The following SLC1A2 variants were observed in gnomAD, a reference collection of about 807,000 sequenced individuals.
The protein encoded by SLC1A2 is excitatory amino acid transporter 2.
A neutral mutation model predicts 48.8 loss-of-function variants in SLC1A2; 15 were observed. That is an observed-to-expected ratio of 0.31 (90% CI 0.21 to 0.47). The LOEUF (loss-of-function observed/expected upper bound fraction) is 0.47. Ranked by LOEUF, SLC1A2 falls within the 20% of genes least tolerant of loss-of-function variation. The probability of loss-of-function intolerance (pLI) is 0.99; values close to 1 mark genes in which losing one functional copy is unlikely to be tolerated. For synonymous variants in SLC1A2, 279 were observed against 272.6 expected, an observed-to-expected ratio of 1.02 and a Z score of -0.23; for missense variants, 502 against 730.5, an observed-to-expected ratio of 0.69 and a Z score of 3.61.
At chr11:35,346,817 C>A (rs1480920330) in intron 1 of SLC1A2, among the ~76,000 whole-genome samples, 1 of 152,188 alleles carries the variant, frequency 6.6e-6, no homozygotes, top group Non-Finnish European at 1.5e-5. Flanking sequence ...AGAAGAGGGG[C>A]AGGGCAGGGG....
chr11:35,279,026 A>G (rs1415614050), intron 9 of SLC1A2, among the ~76,000 whole-genome samples: 1 of 152,232 alleles, frequency 6.6e-6, no homozygotes, highest in Non-Finnish European at 1.5e-5. Flanking sequence ...CTGAAAAAAA[A>G]GAAAAATGTG....
intron 10 of SLC1A2, chr11:35,263,903 A>G (rs1950436787): frequency 6.6e-6 from 1 of 152,216 alleles, no homozygotes; most frequent in African/African-American, 2.4e-5. Flanking sequence ...CTTACAAGGC[A>G]CACAATAAGT....
At chr11:35,360,341 GT>G (rs561006297) in intron 1 of SLC1A2, among the ~76,000 whole-genome samples, 3 of 152,200 alleles carry the variant, frequency 2.0e-5, no homozygotes, top group Non-Finnish European at 4.4e-5. Flanking sequence ...AACCATGGCT[GT>G]TTCCCTCCCA....
At chr11:35,317,302 G>A in intron 2 of SLC1A2, 75 bp downstream of exon 2, 1 of 1,519,138 alleles carries the variant, frequency 6.6e-7, no homozygotes, top group South Asian at 1.2e-5. Context: ...GCTGGCTGCT[G>A]AGACCAGCTG....
At chr11:35,348,040 C>G (rs116456172) in intron 1 of SLC1A2, among the ~76,000 whole-genome samples, 146 of 152,324 alleles carry the variant, frequency 9.6e-4, no homozygotes, top group African/African-American at 3.4e-3. Flanking sequence ...CAAGTCTGGG[C>G]GGCACCTGGG....
rs76463421 is a variant in SLC1A2 at position 35,334,532 on chromosome 11, C to A, written c.18-17016G>T. ...GGTGTGAAAACAAAAGCAAGTGATG[C>A]GTCATCTCACCTTCCTGAGAGCAGG... On this transcript the variant is annotated intron_variant, in intron 1 of 10. Transcript: ENST00000278379. Among the ~76,000 whole-genome samples the A allele has an allele frequency of 1.6e-4, 24 of 152,212 alleles. No individual in the cohort carries two copies. In the South Asian group the frequency reaches 4.8e-3, roughly 30 times the overall value.
At chr11:35,398,708 A>G (rs969444477) in intron 1 of SLC1A2, among the ~76,000 whole-genome samples, 1 of 152,240 alleles carries the variant, frequency 6.6e-6, no homozygotes, top group South Asian at 2.1e-4. Context: ...AGTTTGATCA[A>G]GGAAACACAG....
intron 1 of SLC1A2, among the ~76,000 whole-genome samples, chr11:35,378,188 A>G (rs1293200860): frequency 6.6e-6 from 1 of 152,254 alleles, no homozygotes; most frequent in Non-Finnish European, 1.5e-5. Flanking sequence ...GGGAAAAGCA[A>G]TATGCAAATT....
chr11:35,341,112 C>T (rs1852826835), intron 1 of SLC1A2, among the ~76,000 whole-genome samples: 1 of 152,166 alleles, frequency 6.6e-6, no homozygotes, highest in African/African-American at 2.4e-5. Flanking sequence ...ATATGCCAAA[C>T]TATCTGAATA....
At chr11:35,300,664 T>C (rs56402269) in intron 6 of SLC1A2, among the ~76,000 whole-genome samples, 32,911 of 152,126 alleles carry the variant, frequency 0.22, 3,920 homozygotes, top group Admixed American at 0.28. Context: ...CTAAGGTATT[T>C]TGTTATAATA....
At chr11:35,411,500 G>A (rs1656225764) in intron 1 of SLC1A2, among the ~76,000 whole-genome samples, 1 of 152,124 alleles carries the variant, frequency 6.6e-6, no homozygotes, top group South Asian at 2.1e-4. Context: ...GAGTGCAGTG[G>A]TTATTCACAG....
chr11:35,300,521 G>A (rs766026359), intron 6 of SLC1A2, among the ~76,000 whole-genome samples: 1 of 152,160 alleles, frequency 6.6e-6, no homozygotes, highest in Admixed American at 6.5e-5. Flanking sequence ...TACCATGTGA[G>A]AGCACACACA....
At chr11:35,273,536 T>C (rs1400898620) in intron 9 of SLC1A2, among the ~76,000 whole-genome samples, 1 of 152,268 alleles carries the variant, frequency 6.6e-6, no homozygotes, top group East Asian at 1.9e-4. Context: ...GGCTGTTTTA[T>C]ATAAAAGGCT....
Position 35,322,556 on chromosome 11 carries a change from C to G in SLC1A2, c.18-5040G>C, listed in dbSNP as rs193294566. Reference sequence around the variant, plus strand: ...GATGTGAGGTTTGCAATGGGCTTCACCCACCTGTCCTTCCACTGCTGACAT... The same window carrying G: ...GATGTGAGGTTTGCAATGGGCTTCAGCCACCTGTCCTTCCACTGCTGACAT... On this transcript the variant is annotated intron_variant, in intron 1 of 10. Coordinates refer to ENST00000278379, the MANE Select transcript of SLC1A2 (RefSeq NM_004171.4). 8.0e-5 allele frequency: 121 copies of G among 1,507,232 alleles called. No individual in the cohort carries two copies. In the East Asian group the frequency reaches 1.8e-3, roughly 23 times the overall value. The allele number at this position is 1,507,232 out of a possible 1,614,324, so 93.4% of individuals were successfully genotyped here.
At chr11:35,308,165 A>G (rs1256654180) in intron 4 of SLC1A2, among the ~76,000 whole-genome samples, 1 of 152,218 alleles carries the variant, frequency 6.6e-6, no homozygotes, top group Non-Finnish European at 1.5e-5. Context: ...ATCAGGCAGG[A>G]GGCCAGCTGC....
rs34252173 is a variant in SLC1A2 at position 35,284,087 on chromosome 11, TTATATATA to T, written c.1286+2662_1286+2669del. Among the ~76,000 whole-genome samples, 4 of 115,862 alleles carry T rather than the reference TTATATATA, an allele frequency of 3.5e-5. 1 individual carries two copies. Among genetic ancestry groups the T allele is most frequent in the East Asian group, 2.4e-4 (1 of 4,150 alleles). 76.0% of individuals were successfully genotyped at this position (115,862 alleles called of 152,430 possible). A position where few individuals can be genotyped will look rare whatever the true frequency, so the allele number is the denominator to read the frequency against. On this transcript the variant is annotated intron_variant, in intron 8 of 10. Coordinates refer to ENST00000278379, the MANE Select transcript of SLC1A2 (RefSeq NM_004171.4). ...TCATAGGGTGGTTGTGAAGATTTTATTATATATATATATATATATATATAAATTATTAT... is the reference window on the plus strand; with the variant it reads ...TCATAGGGTGGTTGTGAAGATTTTATTATATATATATATATAAATTATTAT...
intron 6 of SLC1A2, 60 bp from the exon 7 acceptor site, chr11:35,292,580 GCCT>G: frequency 9.6e-7 from 1 of 1,044,230 alleles, no homozygotes; most frequent in South Asian, 1.4e-5. Context: ...CAGAACCTGG[GCCT>G]CCTCTGTACC....
chr11:35,373,745 T>C (rs979042832), intron 1 of SLC1A2, among the ~76,000 whole-genome samples: 1 of 152,162 alleles, frequency 6.6e-6, no homozygotes, highest in East Asian at 1.9e-4. Context: ...GCCATTGCCA[T>C]GATACAGAGC....
intron 1 of SLC1A2, among the ~76,000 whole-genome samples, chr11:35,406,962 G>A (rs748487492): frequency 5.3e-4 from 81 of 152,026 alleles, no homozygotes; most frequent in Admixed American, 2.0e-4. Context: ...GAGGAGATTG[G>A]GATTAAAACT....
Sources: allele counts gnomAD v4.1 joint callset (sites outside exome capture counted in the v4.1 genomes callset), GRCh38; gene constraint gnomAD v4.1.1; transcripts MANE v1.5; gene names NCBI Gene and HGNC (gene_info 2026-07-23, HGNC 2026-07-21).